Variants in CSMD3 observed in about 807,000 individuals in gnomAD.
CSMD3 encodes the protein CUB and sushi domain-containing protein 3.
Under a neutral mutation model 435.2 loss-of-function variants are expected in CSMD3, and 177 were observed. That is an observed-to-expected ratio of 0.41 (90% CI 0.36 to 0.46). The LOEUF is 0.46. Among genes scored for constraint, CSMD3 ranks in the 20% least tolerant of loss-of-function variants. CSMD3 has a pLI of 0.34. For synonymous variants in CSMD3, 1,656 were observed against 1,520.5 expected (o/e 1.09, Z -2.07); for missense variants, 4,265 against 4,504.6 (o/e 0.95, Z 1.52).
intron 20 of CSMD3, among the ~76,000 whole-genome samples, chr8:112,644,367 G>T (rs544349319): frequency 3.7e-4 from 56 of 152,016 alleles, no homozygotes; most frequent in African/African-American, 1.3e-3. Context: ...GTAAGAAAAC[G>T]AATTATTAAT....
In CSMD3 at chr8:112,319,974, T is replaced by A; in HGVS notation, c.7173A>T (p.Gln2391His). ...GFFVLSYHAY[Q>H]LRVCQPPPPV... ...GTGGTGGAGGTTGGCACACCCTTAG[T>A]TGATAGGCTACAAAAATAAACAAAG... Residue 2391 changes from glutamine to histidine, a missense_variant, in exon 46 of 71, where the codon CAA becomes CAT. Coordinates refer to ENST00000297405, the MANE Select transcript of CSMD3 (RefSeq NM_198123.2). 1 of 1,609,396 alleles carries A rather than the reference T, an allele frequency of 6.2e-7. No individual in the cohort carries two copies. Among genetic ancestry groups the A allele is most frequent in the South Asian group, 1.1e-5 (1 of 90,994 alleles).
At chr8:112,684,731 T>C (rs2075974064) in intron 15 of CSMD3, among the ~76,000 whole-genome samples, 1 of 152,110 alleles carries the variant, frequency 6.6e-6, no homozygotes, top group African/African-American at 2.4e-5. Context: ...GATGTCAAGA[T>C]AATTGTTCAA....
In CSMD3 at chr8:112,311,085, C is replaced by A. The variant is rs781651774; in HGVS notation, c.7778G>T (p.Arg2593Leu). ...QTGGQLNSVVRWACDRGFRLV... is the reference protein window; with the variant it reads ...QTGGQLNSVVLWACDRGFRLV... ...TCGGAATCCTCGATCACAGGCCCAA[C>A]GGACCACACTGTTAAGCTGCCCACC... Residue 2593 changes from arginine to leucine, a missense_variant, in exon 50 of 71, where the codon CGT becomes CTT. Around this residue, in one of 3 missense-constraint regions of CSMD3, gnomAD observed 3,255 missense variants for 3,380.2 expected, o/e 0.96. Transcript: ENST00000297405. 1.9e-6 allele frequency: 3 copies of A among 1,613,836 alleles called. No homozygotes were observed. Among genetic ancestry groups the A allele is most frequent in the African/African-American group, 1.3e-5 (1 of 74,860 alleles).
At chr8:112,569,547 AT>A (rs1829331610) in intron 24 of CSMD3, among the ~76,000 whole-genome samples, 1 of 152,130 alleles carries the variant, frequency 6.6e-6, no homozygotes, top group Non-Finnish European at 1.5e-5. Context: ...TACTTTTTTC[AT>A]TTTATCTCAG....
chr8:112,295,220 T>C (rs1820149646), intron 54 of CSMD3, among the ~76,000 whole-genome samples: 2 of 152,168 alleles, frequency 1.3e-5, no homozygotes, highest in South Asian at 2.1e-4. Flanking sequence ...GATGACATAA[T>C]GATAAACATC....
chr8:113,173,991 T>A, intron 3 of CSMD3, 75 bp from the exon 4 acceptor site: 1 of 993,680 alleles, frequency 1.0e-6, no homozygotes, highest in Non-Finnish European at 1.6e-6. Context: ...TATAAAATTA[T>A]ATATGTAGAT....
intron 3 of CSMD3, among the ~76,000 whole-genome samples, chr8:113,216,124 G>T (rs2092902440): frequency 1.3e-5 from 2 of 151,478 alleles, no homozygotes; most frequent in Admixed American, 1.3e-4. Flanking sequence ...AGAACAAGTT[G>T]TTTGCTGAAT....
chr8:112,692,884 TTC>T (rs1461632560), intron 13 of CSMD3, among the ~76,000 whole-genome samples: 1 of 151,970 alleles, frequency 6.6e-6, no homozygotes, highest in African/African-American at 2.4e-5. Context: ...ATCAATCTCT[TTC>T]TGTGTCTAAT....
chr8:112,489,893 A>T (rs2130838984), intron 31 of CSMD3, among the ~76,000 whole-genome samples: 1 of 152,320 alleles, frequency 6.6e-6, no homozygotes, highest in African/African-American at 2.4e-5. Context: ...TACTTAACTG[A>T]TGGTAACAAT....
chr8:112,766,529 C>T (rs2077983634), intron 13 of CSMD3, among the ~76,000 whole-genome samples: 1 of 151,812 alleles, frequency 6.6e-6, no homozygotes, highest in South Asian at 2.1e-4. Context: ...ATAAAGATGT[C>T]TCAGCAACTC....
At chr8:113,059,983 TTTTA>T (rs1257063285) in intron 5 of CSMD3, among the ~76,000 whole-genome samples, 2 of 99,408 alleles carry the variant, frequency 2.0e-5, no homozygotes, top group African/African-American at 8.1e-5. Flanking sequence ...CTTGTTTTAT[TTTTA>T]TTTATTTATT....
intron 22 of CSMD3, among the ~76,000 whole-genome samples, chr8:112,632,405 C>T (rs1351237905): frequency 6.6e-6 from 1 of 151,930 alleles, no homozygotes; most frequent in East Asian, 1.9e-4. Flanking sequence ...ATCAATGACA[C>T]ACGAAATTAG....
intron 24 of CSMD3, among the ~76,000 whole-genome samples, chr8:112,561,735 T>G (rs1446241428): frequency 6.6e-6 from 1 of 151,876 alleles, no homozygotes; most frequent in South Asian, 2.1e-4. Flanking sequence ...TATTTTTTAT[T>G]ACATATCTAT....
intron 31 of CSMD3, among the ~76,000 whole-genome samples, chr8:112,490,862 T>C (rs1436125873): frequency 6.6e-6 from 1 of 152,180 alleles, no homozygotes; most frequent in Non-Finnish European, 1.5e-5. Context: ...AAATTTCCTA[T>C]AAACTTCCAT....
rs1359300335 is a variant in CSMD3 at position 112,492,582 on chromosome 8, C to G, written c.5185G>C (p.Ala1729Pro). 3 of 1,613,272 alleles carry G rather than the reference C, an allele frequency of 1.9e-6. No individual in the cohort carries two copies. The South Asian group carries it at 3.3e-5, about 18-fold the overall frequency. Residue 1729 changes from alanine (A) to proline (P), a missense_variant, in exon 31 of 71, where the codon GCT (alanine) becomes CCT (proline). Coordinates refer to ENST00000297405, the MANE Select transcript of CSMD3 (RefSeq NM_198123.2). ...LGSTVTYYCD[A>P]GYVLQGYSTL... ...GAATAACCTTGAAGAACATAACCAG[C>G]ATCACAGTAATAGGTGACTGTTGAC...
At chr8:113,261,142 G>A (rs1341562564) in intron 3 of CSMD3, among the ~76,000 whole-genome samples, 2 of 152,034 alleles carry the variant, frequency 1.3e-5, no homozygotes, top group African/African-American at 4.8e-5. Flanking sequence ...AAAGTATGAA[G>A]TATATACAGA....
At chr8:112,494,774 T>TA (rs1466724757) in intron 30 of CSMD3, among the ~76,000 whole-genome samples, 2 of 152,002 alleles carry the variant, frequency 1.3e-5, no homozygotes, top group Admixed American at 6.6e-5. Flanking sequence ...AAGTGGTATC[T>TA]AAAGTGAGCA....
At position 112,573,513 on chromosome 8, in the gene CSMD3, G is replaced by A; in HGVS notation, c.4030C>T (p.Leu1344Phe). 6.2e-7 allele frequency: 1 copy of A among 1,613,226 alleles called. No individual in the cohort carries two copies. Among genetic ancestry groups the A allele is most frequent in the Non-Finnish European group, 8.5e-7 (1 of 1,179,384 alleles). The change falls in exon 24 of 71, where the codon CTT becomes TTT. Residue 1344 changes from leucine (L) to phenylalanine (F), a missense_variant. By Grantham distance (22) the Leu-to-Phe change is conservative (BLOSUM62 0). Coordinates refer to ENST00000297405, the MANE Select transcript of CSMD3 (RefSeq NM_198123.2). Reference sequence around the variant, plus strand: ...CTAAAATACTTACTGGTATACACAAGTTGAAAGCCTTCATCTGTCCCTTCA... The same window carrying A: ...CTAAAATACTTACTGGTATACACAAATTGAAAGCCTTCATCTGTCCCTTCA... ...DTEGTDEGFQ[L>F]VYTSFELSHC...
intron 5 of CSMD3, among the ~76,000 whole-genome samples, chr8:113,094,114 C>T (rs1169121959): frequency 6.6e-6 from 1 of 152,038 alleles, no homozygotes; most frequent in Non-Finnish European, 1.5e-5. Context: ...ATTAAAATGT[C>T]TTTCTGACCT....
Sources: allele counts gnomAD v4.1 joint callset (sites outside exome capture counted in the v4.1 genomes callset), GRCh38; gene constraint gnomAD v4.1.1; regional missense constraint gnomAD v4.1.1; transcripts MANE v1.5; gene names NCBI Gene and HGNC (gene_info 2026-07-23, HGNC 2026-07-21).